Variants in SPTBN1 observed in about 807,000 individuals in gnomAD.
SPTBN1 encodes the protein spectrin beta, non-erythrocytic 1.
In SPTBN1, 32 loss-of-function variants were observed where a neutral mutation model predicts 266.4. That is an observed-to-expected ratio of 0.12 (90% confidence interval 0.09 to 0.16). The LOEUF (loss-of-function observed/expected upper bound fraction) is 0.16, where lower values mean the gene tolerates loss of function less well. SPTBN1 is among the 10% of genes least tolerant of loss of function. SPTBN1 has a pLI of 1.00. For synonymous variants in SPTBN1, 1,336 were observed against 1,162.2 expected, an observed-to-expected ratio of 1.15 and a Z score of -3.04; for missense variants, 2,296 against 3,067.1, an observed-to-expected ratio of 0.75 and a Z score of 5.94.
In SPTBN1 at chr2:54,625,936, A is replaced by G. The variant is rs137912711; in HGVS notation, c.1346A>G (p.Asn449Ser). The G allele has an allele frequency of 1.9e-5, 30 of 1,612,762 alleles. No homozygotes were observed. The African/African-American group carries it at 2.9e-4, about 16-fold the overall frequency. ...TTTCATTCCGTTTCTCTGTAGGACA[A>G]CTTTGGGTTTGACCTTCCTGCAGTT... ...SENQRLVSQD[N>S]FGFDLPAVEA... Residue 449 changes from asparagine (N) to serine (S), a missense_variant, in exon 12 of 36, where the codon AAC (asparagine) becomes AGC (serine). Around this residue, in one of 12 missense-constraint regions of SPTBN1, gnomAD observed 148 missense variants for 203.8 expected, o/e 0.73. Transcript: ENST00000356805.
rs72806636 is a variant in SPTBN1 at position 54,634,621 on chromosome 2, C to T, written c.3767+1853C>T. ...AGAGGGTACTTGTCAGTTATGAAAA[C>T]ACACACATCTGTGAGTTCCAGGTGC... On this transcript the variant is annotated intron_variant, in intron 17 of 35. Coordinates refer to ENST00000356805, the MANE Select transcript of SPTBN1 (RefSeq NM_003128.3). 0.013 allele frequency among the ~76,000 whole-genome samples: 2,004 copies of T among 152,282 alleles called. 87 individuals carry two copies. The East Asian group carries it at 0.16, about 12-fold the overall frequency.
chr2:54,562,870 C>T (rs543808657), intron 2 of SPTBN1, among the ~76,000 whole-genome samples: 2 of 152,186 alleles, frequency 1.3e-5, no homozygotes, highest in Admixed American at 6.5e-5. Context: ...GAAATGCTTA[C>T]CATTTTTAAA....
intron 2 of SPTBN1, among the ~76,000 whole-genome samples, chr2:54,573,985 G>C (rs915568002): frequency 2.6e-5 from 4 of 152,108 alleles, no homozygotes; most frequent in African/African-American, 9.7e-5. Flanking sequence ...TTAGAATAAT[G>C]TGCATGAACC....
chr2:54,519,857 C>G (rs781068374), intron 1 of SPTBN1, among the ~76,000 whole-genome samples: 10 of 151,992 alleles, frequency 6.6e-5, no homozygotes, highest in Non-Finnish European at 1.0e-4. Context: ...TTAGGGCCAC[C>G]CTGTGGAGCG....
At chr2:54,598,953 A>G in intron 2 of SPTBN1, 139 bp from the exon 3 acceptor site, 6 of 813,824 alleles carry the variant, frequency 7.4e-6, no homozygotes, top group Non-Finnish European at 1.2e-5. Context: ...GACCGCAGTT[A>G]AGGGGCGCTA....
At position 54,647,176 on chromosome 2, in the gene SPTBN1, G is replaced by A; in HGVS notation, c.4912G>A (p.Glu1638Lys). The A allele has an allele frequency of 6.2e-7, 1 of 1,614,192 alleles. No individual in the cohort carries two copies. Among genetic ancestry groups the A allele is most frequent in the Non-Finnish European group, 8.5e-7 (1 of 1,180,044 alleles). The change falls in exon 24 of 36, where the codon GAA becomes AAA. Residue 1638 changes from glutamate to lysine, a missense_variant. Coordinates refer to ENST00000356805, the MANE Select transcript of SPTBN1 (RefSeq NM_003128.3). ...CATGTTGAAGAAGCACCAGATCTTA[G>A]AACAAGCTGTGGAGGACTATGCAGA... Reference protein sequence around the residue: ...VSMLKKHQILEQAVEDYAETV... With the variant: ...VSMLKKHQILKQAVEDYAETV...
chr2:54,570,725 T>A (rs1461748143), intron 2 of SPTBN1, among the ~76,000 whole-genome samples: 11 of 152,174 alleles, frequency 7.2e-5, no homozygotes, highest in Non-Finnish European at 1.6e-4. Flanking sequence ...GACCAAACAT[T>A]CTGTTGGAAT....
In SPTBN1 at chr2:54,649,064, C is replaced by G; in HGVS notation, c.5076C>G (p.Gly1692=). ...AAGACCTTGCTGAAGAGAGAAGAGG[C>G]AAGCTGGATGAGAGACACAGGTTAT... is the stretch of plus-strand genomic sequence containing the variant. ...GLKDLAEERR[G]KLDERHRLFQ... The change falls in exon 25 of 36, where the codon GGC becomes GGG. Residue 1692 remains glycine, a synonymous_variant. Transcript: ENST00000356805. This position sits in a 1 kb window ranked among gnomAD's most constrained non-coding sequence, Gnocchi z 6.7. 6.2e-7 allele frequency: 1 copy of G among 1,614,210 alleles called. No homozygotes were observed. Among genetic ancestry groups the G allele is most frequent in the Non-Finnish European group, 8.5e-7 (1 of 1,180,034 alleles).
intron 3 of SPTBN1, among the ~76,000 whole-genome samples, chr2:54,603,424 G>A (rs1209057142): frequency 6.6e-6 from 1 of 152,192 alleles, no homozygotes; most frequent in African/African-American, 2.4e-5. Context: ...ACAGTCTAAT[G>A]AAGTGGGCAA....
chr2:54,471,041 G>A (rs1246592517), intron 1 of SPTBN1, among the ~76,000 whole-genome samples: 1 of 152,168 alleles, frequency 6.6e-6, no homozygotes, highest in South Asian at 2.1e-4. Context: ...GCCCAGGGAA[G>A]CCAAAAGATT....
At chr2:54,538,936 G>T (rs929393010) in intron 2 of SPTBN1, among the ~76,000 whole-genome samples, 2 of 152,120 alleles carry the variant, frequency 1.3e-5, no homozygotes, top group Admixed American at 6.6e-5. Context: ...CTCTAAGTTT[G>T]CAGGAAACCC....
At chr2:54,550,140 G>T (rs1423109339) in intron 2 of SPTBN1, among the ~76,000 whole-genome samples, 3 of 152,186 alleles carry the variant, frequency 2.0e-5, no homozygotes, top group East Asian at 1.9e-4. Context: ...GGTGTTTTAT[G>T]GTGTCTGTAA....
At chr2:54,470,049 T>G (rs1028284328) in intron 1 of SPTBN1, among the ~76,000 whole-genome samples, 52 of 152,362 alleles carry the variant, frequency 3.4e-4, no homozygotes, top group African/African-American at 1.2e-3. Flanking sequence ...AATCCCGAGT[T>G]TCCCTGATAA....
intron 16 of SPTBN1, among the ~76,000 whole-genome samples, chr2:54,632,065 G>A (rs1236298092): frequency 7.1e-6 from 1 of 141,076 alleles, no homozygotes; most frequent in African/African-American, 2.7e-5. Context: ...GGCAGGGTGA[G>A]ACCCTGTCTC....
intron 4 of SPTBN1, among the ~76,000 whole-genome samples, chr2:54,615,164 C>A (rs1677517189): frequency 6.6e-6 from 1 of 152,108 alleles, no homozygotes; most frequent in South Asian, 2.1e-4. Flanking sequence ...TGTTTCAATT[C>A]CCAGGTGTTT....
chr2:54,641,046 T>A (rs891253640), intron 18 of SPTBN1, among the ~76,000 whole-genome samples: 9 of 152,260 alleles, frequency 5.9e-5, no homozygotes, highest in Non-Finnish European at 1.2e-4. Context: ...GATTCAACGA[T>A]CAAAGCATTT....
chr2:54,534,078 G>A (rs954525105), intron 2 of SPTBN1, among the ~76,000 whole-genome samples: 3 of 152,302 alleles, frequency 2.0e-5, no homozygotes, highest in Non-Finnish European at 2.9e-5. Flanking sequence ...GAAGAGGCTA[G>A]GCTGCAGGTC....
At chr2:54,465,624 A>G in intron 1 of SPTBN1, among the ~76,000 whole-genome samples, 1 of 122,694 alleles carries the variant, frequency 8.2e-6, no homozygotes, top group East Asian at 2.8e-4. Flanking sequence ...TGATGCATAC[A>G]TATCATGTTT....
intron 2 of SPTBN1, among the ~76,000 whole-genome samples, chr2:54,553,683 C>A (rs777988218): frequency 2.6e-5 from 4 of 152,204 alleles, no homozygotes; most frequent in Non-Finnish European, 4.4e-5. Flanking sequence ...CCCATCACTT[C>A]TTTCCCAGCT....
Sources: gnomAD v4.1 joint callset for allele counts (sites outside exome capture counted in the v4.1 genomes callset) on GRCh38, gnomAD v4.1.1 for gene constraint, gnomAD v4.1.1 regional missense constraint, Gnocchi (gnomAD v3.1) non-coding constraint, MANE v1.5 for transcripts, NCBI Gene and HGNC (gene_info 2026-07-23, HGNC 2026-07-21) for gene names.